The following DPP10 variants were observed in gnomAD, a reference collection of about 807,000 sequenced individuals.
DPP10 encodes the protein dipeptidyl peptidase like 10, also known as inactive dipeptidyl peptidase 10.
DPP10 carries 33 observed loss-of-function variants against 120.9 expected under a neutral mutation model. That is an observed-to-expected ratio of 0.27 (90% CI 0.21 to 0.37). The LOEUF (loss-of-function observed/expected upper bound fraction) is 0.37. Ranked by LOEUF, DPP10 falls within the 10% of genes least tolerant of loss-of-function variation. The pLI, the probability that DPP10 is intolerant of heterozygous loss-of-function variation, is 1.00. For synonymous variants in DPP10, 337 were observed against 326.1 expected, an observed-to-expected ratio of 1.03 and a Z score of -0.36; for missense variants, 816 against 942.8, an observed-to-expected ratio of 0.87 and a Z score of 1.76.
intron 7 of DPP10, among the ~76,000 whole-genome samples, chr2:115,690,171 C>G (rs1239895051): frequency 6.6e-6 from 1 of 151,904 alleles, no homozygotes; most frequent in African/African-American, 2.4e-5. Context: ...ATAATGAAAC[C>G]TAGAAGAGAT....
intron 3 of DPP10, among the ~76,000 whole-genome samples, chr2:115,355,339 GT>G (rs1416742674): frequency 1.3e-5 from 2 of 151,824 alleles, no homozygotes; most frequent in African/African-American, 4.8e-5. Context: ...TCATATGTTT[GT>G]TGGCCGTGTA....
intron 19 of DPP10, among the ~76,000 whole-genome samples, chr2:115,807,575 C>G (rs1295499313): frequency 6.6e-6 from 1 of 152,102 alleles, no homozygotes; most frequent in Admixed American, 6.5e-5. Flanking sequence ...GAGACAATCT[C>G]TGGCTTTCAT....
At chr2:115,527,501 G>A (rs546407951) in intron 5 of DPP10, among the ~76,000 whole-genome samples, 2 of 152,118 alleles carry the variant, frequency 1.3e-5, no homozygotes, top group East Asian at 3.9e-4. Context: ...TATACCAAAA[G>A]CACAGTCCAA....
At chr2:114,581,173 CTTTTTTTTTTTTTTTTT>C (rs70937291) in intron 1 of DPP10, among the ~76,000 whole-genome samples, 24 of 77,904 alleles carry the variant, frequency 3.1e-4, no homozygotes, top group African/African-American at 1.2e-3. Flanking sequence ...TTTTTCTTCT[CTTTTTTTTTTTTTTTTT>C]TTTTTTTTTT....
chr2:115,298,901 G>C (rs2105965026), intron 1 of DPP10, among the ~76,000 whole-genome samples: 1 of 152,114 alleles, frequency 6.6e-6, no homozygotes, highest in East Asian at 1.9e-4. Context: ...ATGAAGGCTT[G>C]ATCAAAATAT....
At chr2:115,478,753 A>T (rs1333018644) in intron 3 of DPP10, among the ~76,000 whole-genome samples, 1 of 152,164 alleles carries the variant, frequency 6.6e-6, no homozygotes, top group Non-Finnish European at 1.5e-5. Context: ...AGTTACATGA[A>T]TATTTTTCCA....
At chr2:115,088,915 A>C (rs970693978) in intron 1 of DPP10, among the ~76,000 whole-genome samples, 1 of 151,990 alleles carries the variant, frequency 6.6e-6, no homozygotes, top group Admixed American at 6.5e-5. Context: ...AAAACTTCTT[A>C]ATTTTGGCCT....
intron 1 of DPP10, among the ~76,000 whole-genome samples, chr2:114,983,166 C>G (rs781251681): frequency 3.9e-5 from 6 of 152,138 alleles, no homozygotes; most frequent in Non-Finnish European, 8.8e-5. Flanking sequence ...AGAATGCCCA[C>G]AGTCCTCATT....
At chr2:115,289,244 G>C (rs1195563162) in intron 1 of DPP10, among the ~76,000 whole-genome samples, 1 of 151,894 alleles carries the variant, frequency 6.6e-6, no homozygotes. Flanking sequence ...GGAGGTGAAT[G>C]ATCTCCACAA....
chr2:115,378,052 A>G (rs1262457255), intron 3 of DPP10, among the ~76,000 whole-genome samples: 1 of 152,122 alleles, frequency 6.6e-6, no homozygotes, highest in Admixed American at 6.5e-5. Flanking sequence ...TTTTGGTTCC[A>G]TATGAACTTT....
intron 5 of DPP10, among the ~76,000 whole-genome samples, chr2:115,537,705 G>A (rs766903624): frequency 3.3e-5 from 5 of 151,584 alleles, no homozygotes; most frequent in African/African-American, 7.3e-5. Flanking sequence ...CACATCTGCC[G>A]AACTTCATGT....
intron 1 of DPP10, among the ~76,000 whole-genome samples, chr2:114,486,549 T>C (rs1047873501): frequency 2.0e-5 from 3 of 152,112 alleles, no homozygotes; most frequent in Non-Finnish European, 4.4e-5. Context: ...TTATCACAAA[T>C]AGCATTGGAT....
chr2:115,802,503 G>T (rs1427582798), intron 19 of DPP10, among the ~76,000 whole-genome samples: 9 of 152,084 alleles, frequency 5.9e-5, no homozygotes, highest in Non-Finnish European at 1.2e-4. Flanking sequence ...TGCTTTTCTA[G>T]TTCTTTTAAT....
At chr2:115,518,912 T>TA (rs2077648030) in intron 4 of DPP10, among the ~76,000 whole-genome samples, 1 of 152,124 alleles carries the variant, frequency 6.6e-6, no homozygotes, top group Non-Finnish European at 1.5e-5. Context: ...CAGCACCATT[T>TA]AAAAATATAT....
chr2:114,878,190 C>T (rs1282571652), intron 1 of DPP10, among the ~76,000 whole-genome samples: 1 of 152,030 alleles, frequency 6.6e-6, no homozygotes, highest in East Asian at 1.9e-4. Flanking sequence ...AAAAGTCACT[C>T]AAACGGATTG....
chr2:115,142,928 G>C (rs1430174000), intron 1 of DPP10, among the ~76,000 whole-genome samples: 3 of 152,066 alleles, frequency 2.0e-5, no homozygotes, highest in African/African-American at 4.8e-5. Flanking sequence ...TCCTAGATTT[G>C]TCTAGTTGTT....
chr2:115,784,159 A>G (rs905133138), intron 17 of DPP10, among the ~76,000 whole-genome samples: 2 of 152,214 alleles, frequency 1.3e-5, no homozygotes, highest in Non-Finnish European at 2.9e-5. Context: ...AAAACAAAAA[A>G]AGGCTGTGAA....
At chr2:114,510,910 AT>A (rs1462726833) in intron 1 of DPP10, among the ~76,000 whole-genome samples, 2 of 152,218 alleles carry the variant, frequency 1.3e-5, no homozygotes, top group Non-Finnish European at 2.9e-5. Flanking sequence ...GTAGTTATTA[AT>A]TTAAATTGGT....
At chr2:115,827,406 G>A (rs1325532560) in intron 21 of DPP10, among the ~76,000 whole-genome samples, 2 of 42,582 alleles carry the variant, frequency 4.7e-5, no homozygotes, top group Admixed American at 4.5e-4. Context: ...GTGTGTGTAT[G>A]TGTGTGTGTA....
Sources: allele counts gnomAD v4.1 joint callset (sites outside exome capture counted in the v4.1 genomes callset), GRCh38; gene constraint gnomAD v4.1.1; transcripts MANE v1.5; gene names NCBI Gene and HGNC (gene_info 2026-07-23, HGNC 2026-07-21).